CASR: variants seen among roughly 807,000 people sequenced by gnomAD.
The protein encoded by CASR is extracellular calcium-sensing receptor.
CASR carries 23 observed loss-of-function variants against 69.1 expected under a neutral mutation model. The observed-to-expected ratio is 0.33, with a 90% confidence interval of 0.24 to 0.47. The LOEUF (loss-of-function observed/expected upper bound fraction) is 0.47. CASR is among the 20% of genes least tolerant of loss of function. CASR has a pLI of 1.00. For synonymous variants in CASR, 541 were observed against 544.7 expected (o/e 0.99, Z 0.10); for missense variants, 924 against 1,356.1 (o/e 0.68, Z 5.00).
At chr3:122,210,246 G>T (rs2074049779) in intron 1 of CASR, among the ~76,000 whole-genome samples, 1 of 152,054 alleles carries the variant, frequency 6.6e-6, no homozygotes. Context: ...AGGGCAATCA[G>T]GCAAGAGAAA....
At chr3:122,235,490 A>G (rs2074320585) in intron 1 of CASR, among the ~76,000 whole-genome samples, 1 of 152,264 alleles carries the variant, frequency 6.6e-6, no homozygotes, top group Non-Finnish European at 1.5e-5. Context: ...GAAAGGTTTC[A>G]GGGAAACCGA....
At chr3:122,202,457 G>GGGGAGA (rs1559936397) in intron 1 of CASR, among the ~76,000 whole-genome samples, 1 of 150,668 alleles carries the variant, frequency 6.6e-6, no homozygotes, top group African/African-American at 2.5e-5. Flanking sequence ...GGGAGACCAT[G>GGGGAGA]GGGAGAGGGA....
chr3:122,216,597 A>G (rs978721261), intron 1 of CASR, among the ~76,000 whole-genome samples: 3 of 152,278 alleles, frequency 2.0e-5, no homozygotes, highest in Non-Finnish European at 4.4e-5. Flanking sequence ...ACAAAAAACT[A>G]TAGTTATCTG....
At chr3:122,201,898 G>T (rs2073957351) in intron 1 of CASR, among the ~76,000 whole-genome samples, 1 of 151,700 alleles carries the variant, frequency 6.6e-6, no homozygotes, top group Admixed American at 6.6e-5. Context: ...TCCTAGATGG[G>T]ATGGCGGCCG....
chr3:122,203,762 G>A (rs2073979864), intron 1 of CASR, among the ~76,000 whole-genome samples: 1 of 152,146 alleles, frequency 6.6e-6, no homozygotes, highest in Non-Finnish European at 1.5e-5. Context: ...TAAAGTAATT[G>A]TACTATGATG....
At chr3:122,230,304 A>G (rs971839459) in intron 1 of CASR, among the ~76,000 whole-genome samples, 3 of 152,214 alleles carry the variant, frequency 2.0e-5, no homozygotes, top group Non-Finnish European at 4.4e-5. Flanking sequence ...AGTCCAGGGA[A>G]AACGCTCCTT....
At chr3:122,237,852 C>A (rs1576840781) in intron 1 of CASR, among the ~76,000 whole-genome samples, 1 of 152,310 alleles carries the variant, frequency 6.6e-6, no homozygotes, top group East Asian at 1.9e-4. Context: ...ATTGGTACAA[C>A]ACTTTGGAAA....
chr3:122,211,965 T>G (rs1227577773), intron 1 of CASR, among the ~76,000 whole-genome samples: 1 of 152,166 alleles, frequency 6.6e-6, no homozygotes, highest in East Asian at 1.9e-4. Context: ...GTTAGTGTAA[T>G]GCAAATTAGT....
chr3:122,201,633 C>A (rs1268963010), intron 1 of CASR, among the ~76,000 whole-genome samples: 11 of 78,556 alleles, frequency 1.4e-4, no homozygotes, highest in Admixed American at 1.2e-3. Flanking sequence ...CGGGGGCGAC[C>A]CCCCACCTCC....
At chr3:122,249,274 T>C (rs1371429508) in intron 1 of CASR, among the ~76,000 whole-genome samples, 12 of 152,232 alleles carry the variant, frequency 7.9e-5, no homozygotes, top group Non-Finnish European at 7.3e-5. Context: ...TATCACTATT[T>C]GCTCTGTGCT....
intron 3 of CASR, among the ~76,000 whole-genome samples, chr3:122,261,280 G>A (rs771224082): frequency 6.6e-6 from 1 of 152,232 alleles, no homozygotes; most frequent in Non-Finnish European, 1.5e-5. Flanking sequence ...AGTTAGCATT[G>A]TGAAGAATCA....
At chr3:122,208,436 T>TATC (rs1466870038) in intron 1 of CASR, among the ~76,000 whole-genome samples, 1 of 152,226 alleles carries the variant, frequency 6.6e-6, no homozygotes, top group Non-Finnish European at 1.5e-5. Flanking sequence ...ATGCTTGATA[T>TATC]ATTTTTGTTA....
chr3:122,196,543 T>C (rs1559934173), intron 1 of CASR, among the ~76,000 whole-genome samples: 1 of 152,060 alleles, frequency 6.6e-6, no homozygotes, highest in African/African-American at 2.4e-5. Flanking sequence ...TTGTTTTGTT[T>C]TGTTTTGTTT....
intron 1 of CASR, among the ~76,000 whole-genome samples, chr3:122,189,927 T>C (rs2073823529): frequency 6.6e-6 from 1 of 152,208 alleles, no homozygotes; most frequent in Admixed American, 6.5e-5. Flanking sequence ...CATAAGCTTT[T>C]AGTTTAGTTT....
chr3:122,233,132 T>C (rs915784300), intron 1 of CASR, among the ~76,000 whole-genome samples: 9 of 152,186 alleles, frequency 5.9e-5, no homozygotes, highest in Non-Finnish European at 1.0e-4. Context: ...TATGGAATCA[T>C]AGAATTTACC....
At chr3:122,194,998 C>T (rs2073874749) in intron 1 of CASR, among the ~76,000 whole-genome samples, 1 of 109,064 alleles carries the variant, frequency 9.2e-6, no homozygotes, top group Admixed American at 1.2e-4. Flanking sequence ...CCTCCTCCTC[C>T]TACTTCCTGC....
intron 1 of CASR, among the ~76,000 whole-genome samples, chr3:122,195,670 C>G (rs1362997835): frequency 6.6e-6 from 1 of 152,098 alleles, no homozygotes; most frequent in East Asian, 1.9e-4. Context: ...GTTATTATCC[C>G]AGTACACATG....
intron 1 of CASR, among the ~76,000 whole-genome samples, chr3:122,240,684 C>G (rs1011335743): frequency 1.3e-5 from 2 of 152,144 alleles, no homozygotes; most frequent in Non-Finnish European, 2.9e-5. Flanking sequence ...ACAAATGGAC[C>G]TAATAGATAT....
chr3:122,199,942 T>A (rs1479850548), intron 1 of CASR, among the ~76,000 whole-genome samples: 4 of 152,232 alleles, frequency 2.6e-5, no homozygotes, highest in Admixed American at 1.3e-4. Context: ...AGTTTCGCTC[T>A]CATTGCCCAG....
Sources: gnomAD v4.1 joint callset for allele counts (sites outside exome capture counted in the v4.1 genomes callset) on GRCh38, gnomAD v4.1.1 for gene constraint, MANE v1.5 for transcripts, NCBI Gene and HGNC (gene_info 2026-07-23, HGNC 2026-07-21) for gene names.